MRAS: variants seen among roughly 807,000 people sequenced by gnomAD.
MRAS encodes the protein ras-related protein M-Ras.
Under a neutral mutation model 20.9 loss-of-function variants are expected in MRAS, and 4 were observed. The observed-to-expected ratio is 0.19, with a 90% CI of 0.09 to 0.44. MRAS has a LOEUF of 0.44. Among genes scored for constraint, MRAS ranks in the 20% least tolerant of loss-of-function variants. MRAS has a pLI of 0.99. For synonymous variants in MRAS, 98 were observed against 102.9 expected (o/e 0.95, Z 0.29); for missense variants, 154 against 277.5 (o/e 0.56, Z 3.16).
intron 2 of MRAS, among the ~76,000 whole-genome samples, chr3:138,375,371 C>T (rs1576362015): frequency 6.6e-6 from 1 of 152,296 alleles, no homozygotes; most frequent in East Asian, 1.9e-4. Flanking sequence ...ATTTTGGTAT[C>T]AGAGTAATGT....
intron 1 of MRAS, among the ~76,000 whole-genome samples, chr3:138,372,447 C>G (rs890260532): frequency 7.2e-5 from 11 of 152,144 alleles, no homozygotes; most frequent in African/African-American, 2.7e-4. Context: ...AGCTTCAAAT[C>G]CTTCTCAGCA....
chr3:138,359,107 G>A (rs964610274), intron 1 of MRAS, among the ~76,000 whole-genome samples: 1 of 152,190 alleles, frequency 6.6e-6, no homozygotes, highest in Non-Finnish European at 1.5e-5. Context: ...ACTGACCTTT[G>A]GACAGGCCTT....
chr3:138,387,620 G>T (rs1212556974), intron 2 of MRAS, among the ~76,000 whole-genome samples: 3 of 152,186 alleles, frequency 2.0e-5, no homozygotes, highest in African/African-American at 7.2e-5. Context: ...TTATAGGCCA[G>T]CGCTCCCAGT....
chr3:138,402,291 A>T lies in MRAS; in HGVS notation c.*22A>T, dbSNP rs1357719709. The T allele has an allele frequency of 2.5e-6, 4 of 1,604,672 alleles. No homozygotes were observed. The highest frequency in any genetic ancestry group is 2.2e-5 in the East Asian group (1 of 44,838). On this transcript the variant is annotated 3_prime_UTR_variant, in exon 6 of 6. Transcript: ENST00000423968. The stretch of plus-strand genomic sequence containing the variant: ...GTGACAGGCCTGAGGCCCTGGGCAC[A>T]GTGACGGTGGCCTGGCCAGCCCTCG...
At position 138,402,592 on chromosome 3, in the gene MRAS, G is replaced by A; in HGVS notation, c.*323G>A. On this transcript the variant is annotated 3_prime_UTR_variant, in exon 6 of 6. Transcript: ENST00000423968. ...TTGTTTATTGTAACTACATAGTGTT[G>A]GTTTGATGTGGAAGTGTTTATCCAC... is the stretch of plus-strand genomic sequence containing the variant. 3.6e-6 allele frequency: 1 copy of A among 279,218 alleles called. No individual in the cohort carries two copies. The allele number at this position is 279,218 out of a possible 1,614,324, so 17.3% of individuals were successfully genotyped here.
intron 1 of MRAS, among the ~76,000 whole-genome samples, chr3:138,353,081 A>G (rs2054261630): frequency 6.6e-6 from 1 of 152,166 alleles, no homozygotes; most frequent in African/African-American, 2.4e-5. Flanking sequence ...CACCCCGTAG[A>G]GCACATTTCT....
chr3:138,357,692 T>C (rs1313428548), intron 1 of MRAS, among the ~76,000 whole-genome samples: 2 of 152,236 alleles, frequency 1.3e-5, no homozygotes, highest in Non-Finnish European at 2.9e-5. Context: ...TGGCCTCCAC[T>C]CCACTTTGCC....
At chr3:138,359,199 A>T (rs916055596) in intron 1 of MRAS, among the ~76,000 whole-genome samples, 10 of 152,108 alleles carry the variant, frequency 6.6e-5, no homozygotes, top group Non-Finnish European at 1.2e-4. Flanking sequence ...GGGAGATGTG[A>T]AAAGTAGCCT....
intron 2 of MRAS, among the ~76,000 whole-genome samples, chr3:138,381,755 G>C (rs1198805447): frequency 6.6e-6 from 1 of 152,204 alleles, no homozygotes; most frequent in Non-Finnish European, 1.5e-5. Flanking sequence ...CAGAAGCTGG[G>C]ACATTTCCAC....
At chr3:138,392,394 T>G (rs888376344) in intron 2 of MRAS, among the ~76,000 whole-genome samples, 13 of 152,210 alleles carry the variant, frequency 8.5e-5, no homozygotes, top group African/African-American at 3.1e-4. Flanking sequence ...TTTTGTTATT[T>G]AATGACAGGA....
At chr3:138,361,292 G>A (rs896059781) in intron 1 of MRAS, among the ~76,000 whole-genome samples, 2 of 152,206 alleles carry the variant, frequency 1.3e-5, no homozygotes, top group African/African-American at 4.8e-5. Context: ...CTCAAGAAAG[G>A]CCTAGAATGT....
chr3:138,365,719 G>A (rs570866493), intron 1 of MRAS, among the ~76,000 whole-genome samples: 11 of 152,362 alleles, frequency 7.2e-5, no homozygotes, highest in African/African-American at 2.6e-4. Flanking sequence ...CAGAAAGGTA[G>A]TAGTTAGATC....
chr3:138,380,911 A>AGGC (rs2054889276), intron 2 of MRAS, among the ~76,000 whole-genome samples: 1 of 151,802 alleles, frequency 6.6e-6, no homozygotes, highest in African/African-American at 2.4e-5. Context: ...CTGGGACTAT[A>AGGC]GGCACGTGCC....
chr3:138,387,086 A>G (rs927790149), intron 2 of MRAS, among the ~76,000 whole-genome samples: 2 of 152,144 alleles, frequency 1.3e-5, no homozygotes, highest in Admixed American at 1.3e-4. Flanking sequence ...CCCTGTTTCA[A>G]TTCCTGAGCT....
chr3:138,396,638 G>C (rs1002406245), intron 2 of MRAS, among the ~76,000 whole-genome samples: 2 of 152,216 alleles, frequency 1.3e-5, no homozygotes, highest in African/African-American at 4.8e-5. Context: ...GTGGCAGTGA[G>C]GGGCGAGAGC....
intron 1 of MRAS, among the ~76,000 whole-genome samples, chr3:138,357,063 G>A (rs972516534): frequency 5.9e-5 from 9 of 152,280 alleles, no homozygotes; most frequent in African/African-American, 2.2e-4. Context: ...GGGATGGAAA[G>A]CAGGGAACAG....
intron 2 of MRAS, among the ~76,000 whole-genome samples, chr3:138,380,916 C>T (rs760230296): frequency 2.6e-5 from 4 of 151,874 alleles, no homozygotes; most frequent in Non-Finnish European, 4.4e-5. Context: ...ACTATAGGCA[C>T]GTGCCACCAC....
chr3:138,356,036 C>G (rs2054324403), intron 1 of MRAS, among the ~76,000 whole-genome samples: 1 of 152,218 alleles, frequency 6.6e-6, no homozygotes, highest in African/African-American at 2.4e-5. Flanking sequence ...GAAGGCCCTG[C>G]TTTACTGGGG....
chr3:138,380,145 G>A (rs1255161461), intron 2 of MRAS, among the ~76,000 whole-genome samples: 1 of 152,094 alleles, frequency 6.6e-6, no homozygotes, highest in Non-Finnish European at 1.5e-5. Context: ...CCATTTGTTT[G>A]TCTCTGAGAA....
Sources: gnomAD v4.1 joint callset for allele counts (sites outside exome capture counted in the v4.1 genomes callset) on GRCh38, gnomAD v4.1.1 for gene constraint, MANE v1.5 for transcripts, NCBI Gene and HGNC (gene_info 2026-07-23, HGNC 2026-07-21) for gene names.